Variants in CACNA1B observed in about 807,000 individuals in gnomAD.
CACNA1B encodes the protein calcium voltage-gated channel subunit alpha1 B.
Under a neutral mutation model 247.2 loss-of-function variants are expected in CACNA1B, and 70 were observed. That is an observed-to-expected ratio of 0.28 (90% confidence interval 0.23 to 0.35). The LOEUF is 0.35. CACNA1B is among the 10% of genes least tolerant of loss of function. The pLI is 1.00. For synonymous variants in CACNA1B, 1,231 were observed against 1,294.4 expected (o/e 0.95, Z 1.05); for missense variants, 2,367 against 3,197.4 (o/e 0.74, Z 6.26).
At chr9:137,966,686 G>A (rs1246564987) in intron 10 of CACNA1B, among the ~76,000 whole-genome samples, 2 of 151,346 alleles carry the variant, frequency 1.3e-5, no homozygotes, top group African/African-American at 4.9e-5. Context: ...CTACAGGCAC[G>A]TGCCACCACG....
chr9:137,951,227 C>T (rs1200028769), intron 6 of CACNA1B, among the ~76,000 whole-genome samples: 2 of 152,176 alleles, frequency 1.3e-5, no homozygotes, highest in African/African-American at 4.8e-5. Flanking sequence ...TTCTGAATGT[C>T]ACTTCTGGTT....
Position 138,049,234 on chromosome 9 carries a change from A to T in CACNA1B, c.3629A>T (p.His1210Leu), listed in dbSNP as rs1191358133. 1 of 1,612,710 alleles carries T rather than the reference A, an allele frequency of 6.2e-7. No homozygotes were observed. Among genetic ancestry groups the T allele is most frequent in the Admixed American group, 1.7e-5 (1 of 60,022 alleles). Reference protein sequence around the residue: ...IKMIDLGLLLHPGAYFRDLWN... With the variant: ...IKMIDLGLLLLPGAYFRDLWN... ...ATGATCGACTTGGGACTGCTGCTTC[A>T]CCCTGGAGCCTATTTCCGGGACTTG... The change falls in exon 24 of 47, where the codon CAC (histidine) becomes CTC (leucine). Residue 1210 changes from histidine (H) to leucine (L), a missense_variant. Transcript: ENST00000371372.
rs1197215918 is a variant in CACNA1B at position 138,012,133 on chromosome 9, C to T, written c.2161-996C>T. ...GGCAGGAGCCATGTGAAGTTCAGGG[C>T]CAGGCACTGCAAGTGGTCACCCAGG... On this transcript the variant is annotated intron_variant, in intron 17 of 46. Coordinates refer to ENST00000371372, the MANE Select transcript of CACNA1B (RefSeq NM_000718.4). The surrounding 1 kb of genome is among the most constrained non-coding windows in gnomAD (Gnocchi z 4.2). Among the ~76,000 whole-genome samples, 3 of 152,204 alleles carry T rather than the reference C, an allele frequency of 2.0e-5. No homozygotes were observed. Among genetic ancestry groups the T allele is most frequent in the Non-Finnish European group, 4.4e-5 (3 of 68,034 alleles).
intron 36 of CACNA1B, 97 bp downstream of exon 36, chr9:138,078,355 A>G: frequency 8.1e-7 from 1 of 1,236,230 alleles, no homozygotes; most frequent in Non-Finnish European, 1.2e-6. Context: ...ACTCTGATCC[A>G]GGCCATGTCA....
intron 36 of CACNA1B, among the ~76,000 whole-genome samples, chr9:138,089,730 A>C: frequency 6.6e-6 from 1 of 152,218 alleles, no homozygotes; most frequent in East Asian, 1.9e-4. Context: ...AACATGTCTT[A>C]TATATAGAAA....
At position 138,054,105 on chromosome 9, in the gene CACNA1B, G is replaced by A. The variant is rs1959404517; in HGVS notation, c.3968+99G>A. On this transcript the variant is annotated intron_variant, in intron 26 of 46. Coordinates refer to ENST00000371372, the MANE Select transcript of CACNA1B (RefSeq NM_000718.4). This position sits in a 1 kb window ranked among gnomAD's most constrained non-coding sequence, Gnocchi z 4.6. ...CAGGTGGAGCTGGTCACACGGCGTG[G>A]GAGACTCCACTGCAGAGCATCACGG... is the stretch of plus-strand genomic sequence containing the variant. 1.7e-6 allele frequency: 2 copies of A among 1,162,660 alleles called. No homozygotes were observed. The highest frequency in any genetic ancestry group is 2.7e-5 in the South Asian group (2 of 75,206). 72.0% of individuals were successfully genotyped at this position (1,162,660 alleles called of 1,614,324 possible).
intron 6 of CACNA1B, among the ~76,000 whole-genome samples, chr9:137,951,145 C>T (rs951467228): frequency 1.3e-5 from 2 of 152,218 alleles, no homozygotes; most frequent in Non-Finnish European, 2.9e-5. Context: ...ATCTGAGCTG[C>T]ATGTGAGTCC....
intron 35 of CACNA1B, 114 bp from the exon 36 acceptor site, chr9:138,078,000 G>A (rs1197281878): frequency 8.5e-6 from 7 of 825,716 alleles, no homozygotes; most frequent in Non-Finnish European, 1.3e-5. Context: ...CCTGGCACAT[G>A]TGTGAGCTGT....
chr9:138,086,698 G>A (rs1051851575), intron 36 of CACNA1B, among the ~76,000 whole-genome samples: 7 of 151,284 alleles, frequency 4.6e-5, no homozygotes, highest in South Asian at 2.1e-4. Flanking sequence ...ATAGATTCCA[G>A]CACAGTGTCA....
Position 138,117,816 on chromosome 9 carries a change from A to G in CACNA1B, c.5778-130A>G, listed in dbSNP as rs1021017324. 3.3e-5 allele frequency: 22 copies of G among 657,798 alleles called. 1 individual carries two copies. In the South Asian group the frequency reaches 5.7e-4, roughly 17 times the overall value. The allele number at this position is 657,798 out of a possible 1,614,324, so 40.7% of individuals were successfully genotyped here. ...AAAGGAGGGCTCAATTCAGTCCAGA[A>G]CAGGGTGGCCAAACCCCCTGACCTC... On this transcript the variant is annotated intron_variant, in intron 42 of 46. Transcript: ENST00000371372.
In CACNA1B at chr9:138,045,988, G is replaced by C. The variant is rs1396060391; in HGVS notation, c.3414-916G>C. Among the ~76,000 whole-genome samples the C allele has an allele frequency of 2.0e-5, 3 of 152,126 alleles. No homozygotes were observed. The East Asian group carries it at 5.8e-4, about 29-fold the overall frequency. On this transcript the variant is annotated intron_variant, in intron 21 of 46. Transcript: ENST00000371372. ...GAGGCATCTCCAGAGCACAGCCCTCGTGATGGGGGCCGTCTGCCCCACCTG... is the reference window on the plus strand; with the variant it reads ...GAGGCATCTCCAGAGCACAGCCCTCCTGATGGGGGCCGTCTGCCCCACCTG...
At chr9:138,113,507 AGC>A (rs1488258345) in intron 40 of CACNA1B, among the ~76,000 whole-genome samples, 5 of 148,920 alleles carry the variant, frequency 3.4e-5, no homozygotes, top group African/African-American at 7.5e-5. Context: ...GACGTGAGGG[AGC>A]GCAGGAAGGT....
intron 16 of CACNA1B, among the ~76,000 whole-genome samples, chr9:138,008,072 C>T (rs969332189): frequency 2.0e-5 from 3 of 152,174 alleles, no homozygotes; most frequent in African/African-American, 7.2e-5. Context: ...TCCAGCCTTC[C>T]TGGGAAGTTG....
chr9:137,962,272 T>C (rs1345429765), intron 10 of CACNA1B, among the ~76,000 whole-genome samples: 1 of 151,924 alleles, frequency 6.6e-6, no homozygotes, highest in African/African-American at 2.4e-5. Context: ...TTCTCTCTTC[T>C]CTTTTTTTTT....
At position 137,914,517 on chromosome 9, in the gene CACNA1B, C is replaced by T. The variant is rs1006318218; in HGVS notation, c.623-137C>T. 1 of 684,600 alleles carries T rather than the reference C, an allele frequency of 1.5e-6. No individual in the cohort carries two copies. The highest frequency in any genetic ancestry group is 2.5e-6 in the Non-Finnish European group (1 of 401,230). 42.4% of individuals were successfully genotyped at this position (684,600 alleles called of 1,614,324 possible). A position where few individuals can be genotyped will look rare whatever the true frequency, so the allele number is the denominator to read the frequency against. On this transcript the variant is annotated intron_variant, in intron 4 of 46. Coordinates refer to ENST00000371372, the MANE Select transcript of CACNA1B (RefSeq NM_000718.4). The surrounding 1 kb of genome is among the most constrained non-coding windows in gnomAD (Gnocchi z 4.3). ...GCGCCTTAAGGGGCTTCAGCTCTATCCTTTGCCCTTGCAAGCACTCACTGC... is the reference window on the plus strand; with the variant it reads ...GCGCCTTAAGGGGCTTCAGCTCTATTCTTTGCCCTTGCAAGCACTCACTGC...
chr9:137,949,233 G>GTGTA (rs1564203460), intron 6 of CACNA1B, among the ~76,000 whole-genome samples: 1 of 14,842 alleles, frequency 6.7e-5, no homozygotes, highest in Admixed American at 6.2e-4. Context: ...TGTGTGTGTG[G>GTGTA]TGTATGCATG....
Position 138,057,339 on chromosome 9 carries a change from C to G in CACNA1B, c.3969-393C>G, listed in dbSNP as rs1470295374. 6.6e-6 allele frequency among the ~76,000 whole-genome samples: 1 copy of G among 152,190 alleles called. No individual in the cohort carries two copies. Among genetic ancestry groups the G allele is most frequent in the Non-Finnish European group, 1.5e-5 (1 of 68,034 alleles). On this transcript the variant is annotated intron_variant, in intron 26 of 46. Coordinates refer to ENST00000371372, the MANE Select transcript of CACNA1B (RefSeq NM_000718.4). The surrounding 1 kb of genome is among the most constrained non-coding windows in gnomAD (Gnocchi z 4.0). ...TTTTTCCCATTCTGTGGATTTGTCT[C>G]TTTACGTTCTCGGCGTCCTCTGAGC... is the stretch of plus-strand genomic sequence containing the variant.
intron 20 of CACNA1B, among the ~76,000 whole-genome samples, chr9:138,035,626 C>T (rs1959033367): frequency 6.6e-6 from 1 of 151,828 alleles, no homozygotes; most frequent in Non-Finnish European, 1.5e-5. Context: ...GCCCTTTTTT[C>T]CCTGAAGTTT....
rs140068697 is a variant in CACNA1B, at chr9:138,052,249, C to CGT, written c.3807+74_3807+75dup. ...GTGTGTGTGTGCGTGTGTGTGTGTG[C>CGT]GTGTGTGTGTGTGTATGCATGCAGT... On this transcript the variant is annotated intron_variant, in intron 25 of 46. Coordinates refer to ENST00000371372, the MANE Select transcript of CACNA1B (RefSeq NM_000718.4). This position sits in a 1 kb window ranked among gnomAD's most constrained non-coding sequence, Gnocchi z 5.1. 3.5e-4 allele frequency: 273 copies of CGT among 778,846 alleles called. No individual in the cohort carries two copies. The highest frequency in any genetic ancestry group is 9.0e-4 in the Admixed American group (43 of 47,728). The allele number at this position is 778,846 out of a possible 1,614,324, so 48.2% of individuals were successfully genotyped here. A position where few individuals can be genotyped will look rare whatever the true frequency, so the allele number is the denominator to read the frequency against.
Sources: allele counts gnomAD v4.1 joint callset (sites outside exome capture counted in the v4.1 genomes callset), GRCh38; gene constraint gnomAD v4.1.1; non-coding constraint Gnocchi (gnomAD v3.1); transcripts MANE v1.5; gene names NCBI Gene and HGNC (gene_info 2026-07-23, HGNC 2026-07-21).